ZSWIM6: variants seen among roughly 807,000 people sequenced by gnomAD.
ZSWIM6 encodes the protein zinc finger SWIM-type containing 6.
A neutral mutation model predicts 113.2 loss-of-function variants in ZSWIM6; 9 were observed. The ratio of observed to expected loss-of-function variants is 0.08; its 90% confidence interval spans 0.05 to 0.14. ZSWIM6 has a LOEUF of 0.14. ZSWIM6 is among the 10% of genes least tolerant of loss of function. ZSWIM6 has a pLI of 1.00. For missense variants in ZSWIM6, 1,162 were observed against 1,552.2 expected, an observed-to-expected ratio of 0.75 and a Z score of 4.22; for synonymous variants, 611 against 606.5, an observed-to-expected ratio of 1.01 and a Z score of -0.11.
intron 1 of ZSWIM6, chr5:61,390,631 T>G (rs1196017260): frequency 1.2e-5 from 9 of 740,796 alleles, no homozygotes; most frequent in African/African-American, 5.2e-5. Context: ...GAAAATAACT[T>G]TTAAGACCCC....
At chr5:61,490,717 CTTAA>C (rs1354474913) in intron 2 of ZSWIM6, 65 bp from the exon 3 acceptor site, 78 of 1,446,652 alleles carry the variant, frequency 5.4e-5, no homozygotes, top group Non-Finnish European at 6.7e-5. Flanking sequence ...CAAAAAGAGT[CTTAA>C]TTAATCCTTT....
Position 61,332,878 on chromosome 5 carries a change from G to C in ZSWIM6, c.606G>C (p.Glu202Asp), listed in dbSNP as rs1744294272. 7.7e-7 allele frequency: 1 copy of C among 1,298,754 alleles called. No individual in the cohort carries two copies. Among genetic ancestry groups the C allele is most frequent in the Non-Finnish European group, 9.9e-7 (1 of 1,006,468 alleles). The allele number at this position is 1,298,754 out of a possible 1,614,324, so 80.5% of individuals were successfully genotyped here. A position where few individuals can be genotyped will look rare whatever the true frequency, so the allele number is the denominator to read the frequency against. Residue 202 changes from glutamate to aspartate, a missense_variant, in exon 1 of 14, where the codon GAG becomes GAC. Physicochemically the swap from Glu to Asp is conservative, Grantham distance 45. This residue lies in a region of ZSWIM6 where 333 missense variants were observed against 293.4 expected (regional missense o/e 1.13). Transcript: ENST00000252744. Reference protein sequence around the residue: ...GAAGAADGGDETRLPFRRGIA... With the variant: ...GAAGAADGGDDTRLPFRRGIA... ...CCGGGGCGGCGGACGGCGGCGACGA[G>C]ACGCGGCTGCCTTTCCGCCGGGGCA... is the stretch of plus-strand genomic sequence containing the variant.
At chr5:61,438,048 TATA>T in intron 1 of ZSWIM6, among the ~76,000 whole-genome samples, 1 of 152,300 alleles carries the variant, frequency 6.6e-6, no homozygotes, top group East Asian at 1.9e-4. Flanking sequence ...CAAAATCAAT[TATA>T]ATTTATATTA....
chr5:61,354,645 G>T (rs1012182499), intron 1 of ZSWIM6, among the ~76,000 whole-genome samples: 1 of 152,166 alleles, frequency 6.6e-6, no homozygotes, highest in African/African-American at 2.4e-5. Flanking sequence ...TTTTTGAGGG[G>T]TTCATAAGTT....
At chr5:61,475,491 G>C (rs1355583930) in intron 2 of ZSWIM6, among the ~76,000 whole-genome samples, 1 of 152,200 alleles carries the variant, frequency 6.6e-6, no homozygotes, top group African/African-American at 2.4e-5. Context: ...AGGATAGATT[G>C]TAGGTTACCT....
intron 1 of ZSWIM6, among the ~76,000 whole-genome samples, chr5:61,396,209 C>T (rs1745833996): frequency 6.6e-6 from 1 of 152,120 alleles, no homozygotes; most frequent in South Asian, 2.1e-4. Flanking sequence ...AACACGTAAC[C>T]TTCCTGACCA....
At chr5:61,508,888 G>A (rs1188786494) in intron 4 of ZSWIM6, among the ~76,000 whole-genome samples, 1 of 152,126 alleles carries the variant, frequency 6.6e-6, no homozygotes, top group East Asian at 1.9e-4. Context: ...CAGGATGAAA[G>A]GGGAGAGGAG....
chr5:61,477,617 C>T (rs1474832662), intron 2 of ZSWIM6, among the ~76,000 whole-genome samples: 1 of 152,200 alleles, frequency 6.6e-6, no homozygotes, highest in East Asian at 1.9e-4. Context: ...CCTGCTTAAC[C>T]TTGCCTCTGA....
Position 61,332,338 on chromosome 5 carries a change from CGGCGGCG to C in ZSWIM6, c.69_75del (p.Gly24AlafsTer84), listed in dbSNP as rs2112011672. The C allele has an allele frequency of 9.4e-7, 1 of 1,069,154 alleles. No individual in the cohort carries two copies. 66.2% of individuals were successfully genotyped at this position (1,069,154 alleles called of 1,614,324 possible). A position where few individuals can be genotyped will look rare whatever the true frequency, so the allele number is the denominator to read the frequency against. On this transcript the variant is annotated frameshift_variant, in exon 1 of 14. Coordinates refer to ENST00000252744, the MANE Select transcript of ZSWIM6 (RefSeq NM_020928.2). LOFTEE classifies it high-confidence loss of function. ...TTTGCTGCCGGCCGGGCGGCGGCGG[CGGCGGCG>C]GGGGCAGCAGCGGCGGCGGCGGCGG...
chr5:61,375,106 A>G, intron 1 of ZSWIM6: 2 of 1,608,428 alleles, frequency 1.2e-6, no homozygotes, highest in Non-Finnish European at 1.7e-6. Flanking sequence ...CGCGCGATCC[A>G]GCACCATGGG....
intron 1 of ZSWIM6, among the ~76,000 whole-genome samples, chr5:61,350,242 C>T (rs1744752474): frequency 6.6e-6 from 1 of 152,102 alleles, no homozygotes; most frequent in Admixed American, 6.6e-5. Flanking sequence ...TACAAGTGTT[C>T]CAGTTTGGAT....
Position 61,391,386 on chromosome 5 carries a change from G to GA in ZSWIM6, c.676+58439dup, listed in dbSNP as rs895792437. The GA allele has an allele frequency of 1.5e-5, 13 of 855,232 alleles. No individual in the cohort carries two copies. In the African/African-American group the frequency reaches 2.2e-4, roughly 14 times the overall value. The allele number at this position is 855,232 out of a possible 1,614,324, so 53.0% of individuals were successfully genotyped here. On this transcript the variant is annotated intron_variant, in intron 1 of 13. Coordinates refer to ENST00000252744, the MANE Select transcript of ZSWIM6 (RefSeq NM_020928.2). ...GCAGGCACATCTGGGTGTAGGCAATGATGCAGATGACTTGGCGGTACTTCT... is the reference window on the plus strand; with the variant it reads ...GCAGGCACATCTGGGTGTAGGCAATGAATGCAGATGACTTGGCGGTACTTCT...
chr5:61,423,100 T>C (rs1210056469), intron 1 of ZSWIM6, among the ~76,000 whole-genome samples: 1 of 152,156 alleles, frequency 6.6e-6, no homozygotes, highest in Non-Finnish European at 1.5e-5. Flanking sequence ...GAACTTCCAG[T>C]ATTATGTTGA....
intron 1 of ZSWIM6, among the ~76,000 whole-genome samples, chr5:61,377,981 A>G (rs773293080): frequency 1.3e-5 from 2 of 152,226 alleles, no homozygotes; most frequent in African/African-American, 4.8e-5. Flanking sequence ...TTAAAAACCT[A>G]TTACATTGAT....
chr5:61,438,701 A>G (rs1746762755), intron 1 of ZSWIM6, among the ~76,000 whole-genome samples: 1 of 152,210 alleles, frequency 6.6e-6, no homozygotes, highest in East Asian at 1.9e-4. Context: ...GCTGAAATTG[A>G]CATGTAAAAT....
intron 1 of ZSWIM6, among the ~76,000 whole-genome samples, chr5:61,459,349 A>G (rs1052677188): frequency 2.0e-5 from 3 of 152,180 alleles, no homozygotes; most frequent in Admixed American, 6.5e-5. Flanking sequence ...TTTTGGGCTA[A>G]TAAAATGGAA....
intron 1 of ZSWIM6, among the ~76,000 whole-genome samples, chr5:61,450,008 A>C (rs1013635760): frequency 5.3e-5 from 8 of 152,244 alleles, no homozygotes; most frequent in African/African-American, 1.7e-4. Flanking sequence ...TGCTGAATAC[A>C]GTATTTCAGT....
intron 4 of ZSWIM6, among the ~76,000 whole-genome samples, chr5:61,499,200 A>G (rs920652359): frequency 2.6e-5 from 4 of 152,232 alleles, no homozygotes; most frequent in African/African-American, 9.6e-5. Context: ...TAACTTCCAA[A>G]TAGCTGGAAG....
chr5:61,482,829 T>G (rs1296832665), intron 2 of ZSWIM6, among the ~76,000 whole-genome samples: 3 of 152,004 alleles, frequency 2.0e-5, no homozygotes, highest in Non-Finnish European at 4.4e-5. Context: ...AAATGCATAG[T>G]TTTTCCAGAC....
Sources: allele counts gnomAD v4.1 joint callset (sites outside exome capture counted in the v4.1 genomes callset), GRCh38; gene constraint gnomAD v4.1.1; regional missense constraint gnomAD v4.1.1; transcripts MANE v1.5; gene names NCBI Gene and HGNC (gene_info 2026-07-23, HGNC 2026-07-21).